The following MICOS10 variants were observed in gnomAD, a reference collection of about 807,000 sequenced individuals.
The protein encoded by MICOS10 is mitochondrial contact site and cristae organizing system subunit 10, also known as MICOS complex subunit MIC10.
A neutral mutation model predicts 13.4 loss-of-function variants in MICOS10; 5 were observed. That is an observed-to-expected ratio of 0.37 (90% CI 0.20 to 0.78). The LOEUF (loss-of-function observed/expected upper bound fraction) is 0.78, where lower values mean the gene tolerates loss of function less well. MICOS10 is among the 30% of genes least tolerant of loss of function. MICOS10 has a pLI of 0.47. For synonymous variants in MICOS10, 35 were observed against 33.6 expected (o/e 1.04, Z -0.15); for missense variants, 101 against 94.6 (o/e 1.07, Z -0.28).
At chr1:19,610,014 C>T (rs1222697741) in intron 1 of MICOS10, among the ~76,000 whole-genome samples, 1 of 152,030 alleles carries the variant, frequency 6.6e-6, no homozygotes, top group Non-Finnish European at 1.5e-5. Context: ...TGGTGGTGCT[C>T]ACCTGTAATC....
chr1:19,625,253 A>G (rs956127280), intron 3 of MICOS10: 7 of 884,480 alleles, frequency 7.9e-6, no homozygotes, highest in Admixed American at 3.5e-5. Flanking sequence ...TGACTTGTCC[A>G]TTGTTCCACT....
At chr1:19,621,007 C>G (rs1558346918) in intron 1 of MICOS10, among the ~76,000 whole-genome samples, 1 of 152,206 alleles carries the variant, frequency 6.6e-6, no homozygotes, top group African/African-American at 2.4e-5. Flanking sequence ...GCTTATCTCC[C>G]CATTCCGTTG....
At chr1:19,608,623 A>AT (rs756313288) in intron 1 of MICOS10, 8 of 702,034 alleles carry the variant, frequency 1.1e-5, no homozygotes, top group Middle Eastern at 2.4e-4. Flanking sequence ...TAAAAAATAA[A>AT]TAAAAAAAGT....
At chr1:19,615,393 G>A (rs2094880079) in intron 1 of MICOS10, among the ~76,000 whole-genome samples, 1 of 152,176 alleles carries the variant, frequency 6.6e-6, no homozygotes, top group African/African-American at 2.4e-5. Flanking sequence ...GTTGCAGAAA[G>A]GCACTGTTAG....
At chr1:19,620,240 C>G (rs925105779) in intron 1 of MICOS10, among the ~76,000 whole-genome samples, 1 of 152,132 alleles carries the variant, frequency 6.6e-6, no homozygotes, top group Admixed American at 6.5e-5. Flanking sequence ...AAGTTTAAAC[C>G]TGGCCTAGAG....
intron 1 of MICOS10, 122 bp downstream of exon 1, chr1:19,597,231 C>T (rs2094795385): frequency 9.0e-7 from 1 of 1,117,236 alleles, no homozygotes; most frequent in South Asian, 1.6e-5. Flanking sequence ...TTTTCCGGCC[C>T]CTCCGGCCAG....
At chr1:19,615,383 G>C (rs1190671826) in intron 1 of MICOS10, among the ~76,000 whole-genome samples, 9 of 151,960 alleles carry the variant, frequency 5.9e-5, no homozygotes, top group Admixed American at 5.9e-4. Context: ...CTATTCCCCA[G>C]TTGCAGAAAG....
Position 19,619,466 on chromosome 1 carries a change from CT to C in MICOS10, c.65-2630del, listed in dbSNP as rs756439671. 2.0e-5 allele frequency among the ~76,000 whole-genome samples: 3 copies of C among 152,280 alleles called. 1 individual carries two copies. ...ATGGACAACAACATACATTTTCCCC[CT>C]TTTATTACCAAAAGGTGGCTTAAGG... On this transcript the variant is annotated intron_variant, in intron 1 of 3. Transcript: ENST00000322753.
intron 1 of MICOS10, among the ~76,000 whole-genome samples, chr1:19,598,921 AT>A (rs1048987388): frequency 1.3e-5 from 2 of 151,822 alleles, no homozygotes; most frequent in East Asian, 1.9e-4. Context: ...TAATTAACTT[AT>A]TTTTTTTATA....
At chr1:19,624,411 C>T (rs1318934057) in intron 3 of MICOS10, among the ~76,000 whole-genome samples, 4 of 151,662 alleles carry the variant, frequency 2.6e-5, no homozygotes, top group South Asian at 2.1e-4. Context: ...CTCAGCCTCC[C>T]GAGTAGCTGG....
chr1:19,613,400 G>T (rs896250186), intron 1 of MICOS10, among the ~76,000 whole-genome samples: 4 of 152,322 alleles, frequency 2.6e-5, no homozygotes, highest in Admixed American at 2.6e-4. Context: ...TGGCATAAAA[G>T]GTTGTCGTTC....
chr1:19,625,741 A>G lies in MICOS10; in HGVS notation c.223-646A>G, dbSNP rs2094919751. On this transcript the variant is annotated intron_variant, in intron 3 of 3. Transcript: ENST00000322753. The stretch of plus-strand genomic sequence containing the variant: ...TTTAATGGCTGGGAGTTCCTGTGGA[A>G]AATATTGTTCCATTTTTTACATTTG... 11 of 1,119,614 alleles carry G rather than the reference A, an allele frequency of 9.8e-6. No homozygotes were observed. The South Asian group carries it at 1.6e-4, about 16-fold the overall frequency. The allele number at this position is 1,119,614 out of a possible 1,614,324, so 69.4% of individuals were successfully genotyped here.
rs1237089534 is a variant in MICOS10, at chr1:19,625,739, GA to G, written c.223-644del. ...TATTTAATGGCTGGGAGTTCCTGTG[GA>G]AAATATTGTTCCATTTTTTACATTT... is the stretch of plus-strand genomic sequence containing the variant. On this transcript the variant is annotated intron_variant, in intron 3 of 3. Transcript: ENST00000322753. 4 of 1,122,438 alleles carry G rather than the reference GA, an allele frequency of 3.6e-6. 1 individual carries two copies. In the South Asian group the frequency reaches 4.7e-5, roughly 13 times the overall value. The allele number at this position is 1,122,438 out of a possible 1,614,324, so 69.5% of individuals were successfully genotyped here. A position where few individuals can be genotyped will look rare whatever the true frequency, so the allele number is the denominator to read the frequency against.
intron 3 of MICOS10, chr1:19,625,462 C>T (rs1051278267): frequency 7.8e-7 from 1 of 1,289,430 alleles, no homozygotes; most frequent in Non-Finnish European, 1.0e-6. Context: ...GGGGAGCCAT[C>T]TCTGCACCAA....
chr1:19,601,087 G>A, intron 1 of MICOS10: 4 of 1,122,424 alleles, frequency 3.6e-6, no homozygotes, highest in Non-Finnish European at 4.8e-6. Flanking sequence ...CTCGTGTTTA[G>A]CATAGGTGTT....
At chr1:19,602,842 G>A (rs2094820904) in intron 1 of MICOS10, among the ~76,000 whole-genome samples, 1 of 152,122 alleles carries the variant, frequency 6.6e-6, no homozygotes, top group Admixed American at 6.5e-5. Context: ...ATCAACCTAG[G>A]AGACTTTAAA....
At chr1:19,617,573 G>A (rs1320981) in intron 1 of MICOS10, among the ~76,000 whole-genome samples, 4 of 151,908 alleles carry the variant, frequency 2.6e-5, no homozygotes, top group Non-Finnish European at 4.4e-5. Flanking sequence ...TATTTTTTCC[G>A]TCATTAATGG....
At chr1:19,612,720 T>C (rs2094868450) in intron 1 of MICOS10, among the ~76,000 whole-genome samples, 1 of 152,116 alleles carries the variant, frequency 6.6e-6, no homozygotes, top group South Asian at 2.1e-4. Flanking sequence ...GCCGCTGTAC[T>C]ATCATGTCAG....
chr1:19,625,350 A>G (rs1183941560), intron 3 of MICOS10: 3 of 1,280,524 alleles, frequency 2.3e-6, no homozygotes, highest in Admixed American at 4.7e-5. Flanking sequence ...ACCAAATCCA[A>G]AGTAGCAGTA....
Sources: allele counts gnomAD v4.1 joint callset (sites outside exome capture counted in the v4.1 genomes callset), GRCh38; gene constraint gnomAD v4.1.1; transcripts MANE v1.5; gene names NCBI Gene and HGNC (gene_info 2026-07-23, HGNC 2026-07-21).